Variants in KDM6A observed in about 807,000 individuals in gnomAD.
The protein encoded by KDM6A is lysine demethylase 6A, also known as lysine-specific demethylase 6A.
In KDM6A, 11 loss-of-function variants were observed where a neutral mutation model predicts 117.6. The observed-to-expected ratio is 0.09, with a 90% CI of 0.06 to 0.15. The LOEUF (loss-of-function observed/expected upper bound fraction) is 0.15. KDM6A is among the 10% of genes least tolerant of loss of function. The pLI, the probability that KDM6A is intolerant of heterozygous loss-of-function variation, is 1.00. For missense variants in KDM6A, 799 were observed against 1,077.3 expected, an observed-to-expected ratio of 0.74 and a Z score of 3.62; for synonymous variants, 384 against 396.1, an observed-to-expected ratio of 0.97 and a Z score of 0.36.
chrX:45,074,956 A>T (rs1486478881), intron 18 of KDM6A, among the ~76,000 whole-genome samples: 1 of 111,635 alleles, frequency 9.0e-6, no homozygotes, highest in Non-Finnish European at 1.9e-5. Context: ...CTCAATGTCC[A>T]GTATGTTGTA....
At chrX:45,066,587 A>AT (rs1018679386) in intron 17 of KDM6A, among the ~76,000 whole-genome samples, 3 of 111,475 alleles carry the variant, frequency 2.7e-5, no homozygotes, top group Non-Finnish European at 5.6e-5. Context: ...ATAACACGAG[A>AT]TTTTTGTTAA....
chrX:44,899,578 G>A (rs1320058303), intron 2 of KDM6A, among the ~76,000 whole-genome samples: 1 of 109,904 alleles, frequency 9.1e-6, no homozygotes, highest in African/African-American at 3.3e-5. Context: ...CTGTATTGGG[G>A]TCTTCTGAAG....
At chrX:45,037,542 A>C (rs1267796693) in intron 7 of KDM6A, 113 bp from the exon 8 acceptor site, 1 of 576,558 alleles carries the variant, frequency 1.7e-6, no homozygotes, top group African/African-American at 2.3e-5. Flanking sequence ...CTATTACTTA[A>C]ATCTATATAG....
intron 20 of KDM6A, among the ~76,000 whole-genome samples, chrX:45,078,855 C>T (rs2045259916): frequency 9.1e-6 from 1 of 109,402 alleles, no homozygotes; most frequent in Admixed American, 9.8e-5. Context: ...TACTATAGCC[C>T]CATAAGTATT....
intron 27 of KDM6A, among the ~76,000 whole-genome samples, chrX:45,102,834 T>C (rs2046381792): frequency 9.0e-6 from 1 of 111,416 alleles, no homozygotes; most frequent in Admixed American, 9.6e-5. Context: ...GCCATGTGGT[T>C]GGTGTAAATA....
chrX:44,993,870 A>C (rs1428872179), intron 4 of KDM6A, among the ~76,000 whole-genome samples: 1 of 111,876 alleles, frequency 8.9e-6, no homozygotes. Context: ...GTCTCAAGAA[A>C]AAAAAGCTCT....
intron 2 of KDM6A, among the ~76,000 whole-genome samples, chrX:44,882,179 TTC>T (rs1258872124): frequency 8.9e-6 from 1 of 112,081 alleles, no homozygotes; most frequent in African/African-American, 3.2e-5. Flanking sequence ...CATTAGATTT[TTC>T]TCTCTTTTTG....
At chrX:45,053,336 G>A (rs1396973333) in intron 9 of KDM6A, among the ~76,000 whole-genome samples, 2 of 110,902 alleles carry the variant, frequency 1.8e-5, no homozygotes, top group Non-Finnish European at 3.8e-5. Context: ...GGAGGCTGAG[G>A]CAGGAGAATT....
intron 2 of KDM6A, among the ~76,000 whole-genome samples, chrX:44,922,027 C>CTTTTT (rs1412985730): frequency 0.056 from 2,111 of 37,714 alleles, 934 homozygotes; most frequent in East Asian, 0.07. Flanking sequence ...ATTGTGTGTG[C>CTTTTT]CTTTTTTTTT....
Position 45,076,682 on chromosome X carries a change from T to C in KDM6A, c.2859-15T>C, listed in dbSNP as rs777284834. ...ATAAATGTACAACTGATTATCCCTTTTTTTTTTTTTCCAGGAATCTAGGTA... is the reference window on the plus strand; with the variant it reads ...ATAAATGTACAACTGATTATCCCTTCTTTTTTTTTTCCAGGAATCTAGGTA... On this transcript the variant is annotated splice_polypyrimidine_tract_variant and intron_variant, in intron 18 of 29. Coordinates refer to ENST00000611820, the MANE Select transcript of KDM6A (RefSeq NM_001291415.2). 38 of 866,237 alleles carry C rather than the reference T, an allele frequency of 4.4e-5. No individual in the cohort carries two copies. The highest frequency in any genetic ancestry group is 3.4e-4 in the East Asian group (6 of 17,535). The allele number at this position is 866,237 out of a possible 1,213,427, so 71.4% of individuals were successfully genotyped here.
Position 45,053,857 on chromosome X carries a change from G to A in KDM6A, c.777G>A (p.Leu259=). 2 of 1,193,360 alleles carry A rather than the reference G, an allele frequency of 1.7e-6. No individual in the cohort carries two copies. Among genetic ancestry groups the A allele is most frequent in the Admixed American group, 2.2e-5 (1 of 45,940 alleles). The change falls in exon 10 of 30, where the codon CTG becomes CTA. Residue 259 remains leucine (L), a synonymous_variant. Transcript: ENST00000611820. The stretch of plus-strand genomic sequence containing the variant: ...GGATGCATCACACTGTAGATCTCCT[G>A]GGAGATAAAGCCACCAAGGAAAGCT... ...LGWMHHTVDL[L]GDKATKESYA... is the part of the protein sequence containing the mutation.
intron 2 of KDM6A, among the ~76,000 whole-genome samples, chrX:44,911,511 C>T (rs1450775148): frequency 1.8e-5 from 2 of 110,536 alleles, no homozygotes; most frequent in Non-Finnish European, 3.8e-5. Flanking sequence ...GACGGGATGG[C>T]GGCCGGGAAG....
At chrX:44,890,191 A>G in intron 2 of KDM6A, among the ~76,000 whole-genome samples, 1 of 112,508 alleles carries the variant, frequency 8.9e-6, no homozygotes, top group Non-Finnish European at 1.9e-5. Context: ...TCCTTTTGGA[A>G]TTCCCTTTGA....
chrX:44,957,487 T>C (rs892830528), intron 2 of KDM6A, among the ~76,000 whole-genome samples: 3 of 112,042 alleles, frequency 2.7e-5, no homozygotes, highest in Non-Finnish European at 5.6e-5. Flanking sequence ...TACGGGGTAA[T>C]GGTAACGTTA....
At chrX:45,030,800 C>G (rs2042572957) in intron 6 of KDM6A, among the ~76,000 whole-genome samples, 1 of 111,312 alleles carries the variant, frequency 9.0e-6, no homozygotes, top group Non-Finnish European at 1.9e-5. Context: ...ACCTTCGCTT[C>G]CTGGGTTCAA....
intron 2 of KDM6A, among the ~76,000 whole-genome samples, chrX:44,937,895 T>C (rs1331772845): frequency 8.9e-6 from 1 of 112,078 alleles, no homozygotes; most frequent in Non-Finnish European, 1.9e-5. Context: ...AGTCTCACTT[T>C]GTTGCCCAGG....
intron 4 of KDM6A, among the ~76,000 whole-genome samples, chrX:45,003,755 GTC>G (rs1199359429): frequency 2.8e-5 from 3 of 105,351 alleles, no homozygotes; most frequent in African/African-American, 1.0e-4. Flanking sequence ...CTCCCTCTTT[GTC>G]TCTGTCTCTT....
chrX:45,005,636 CT>C (rs1404567604), intron 4 of KDM6A, among the ~76,000 whole-genome samples: 1 of 110,792 alleles, frequency 9.0e-6, no homozygotes, highest in Non-Finnish European at 1.9e-5. Context: ...ATGTTTAGTC[CT>C]TTCGTTATCC....
intron 4 of KDM6A, among the ~76,000 whole-genome samples, chrX:44,992,698 A>G (rs1027015526): frequency 1.9e-5 from 2 of 107,189 alleles, no homozygotes; most frequent in Non-Finnish European, 3.8e-5. Flanking sequence ...CTACAGGCGC[A>G]TGCTACCATG....
Sources: allele counts gnomAD v4.1 joint callset (sites outside exome capture counted in the v4.1 genomes callset), GRCh38; gene constraint gnomAD v4.1.1; transcripts MANE v1.5; gene names NCBI Gene and HGNC (gene_info 2026-07-23, HGNC 2026-07-21).